BRCA1: variants seen among roughly 807,000 people sequenced by gnomAD.
BRCA1 encodes BRCA1 DNA repair associated.
BRCA1 carries 140 observed loss-of-function variants against 173.7 expected under a neutral mutation model. The observed-to-expected ratio is 0.81, with a 90% confidence interval of 0.70 to 0.93. BRCA1 has a LOEUF of 0.93. Among genes scored for constraint, BRCA1 ranks in the 40% least tolerant of loss-of-function variants. The pLI is 0.00. For synonymous variants in BRCA1, 662 were observed against 756.0 expected (o/e 0.88, Z 2.04); for missense variants, 1,983 against 2,172.5 (o/e 0.91, Z 1.73).
chr17:43,111,375 C>T (rs1359596841), intron 3 of BRCA1, among the ~76,000 whole-genome samples: 2 of 151,672 alleles, frequency 1.3e-5, no homozygotes, highest in East Asian at 3.9e-4. Flanking sequence ...CAAAAATTAG[C>T]CAGGTGTGGT....
chr17:43,130,335 G>A (rs2055955169), upstream of BRCA1, among the ~76,000 whole-genome samples: 1 of 151,990 alleles, frequency 6.6e-6, no homozygotes, highest in South Asian at 2.1e-4. Context: ...TTATTTTTGA[G>A]ACAGAGTCTC....
rs762190131 is a variant in BRCA1, at chr17:43,137,968, C to T, written c.-19-13853G>A. ...TTGGGAGGCTGGGGCGGGTGGATCA[C>T]CTGAGGTCAGGAGTTTGAGACCAGT... On this transcript the variant is annotated intron_variant, in intron 1 of 7. Coordinates refer to the BRCA1 transcript ENST00000634433. Among the ~76,000 whole-genome samples the T allele has an allele frequency of 4.0e-5, 6 of 151,330 alleles. 1 individual carries two copies. Among genetic ancestry groups the T allele is most frequent in the Admixed American group, 6.6e-5 (1 of 15,154 alleles).
intron 1 of BRCA1, among the ~76,000 whole-genome samples, chr17:43,137,444 A>G (rs1268550708): frequency 6.6e-6 from 1 of 151,940 alleles, no homozygotes; most frequent in East Asian, 1.9e-4. Flanking sequence ...AAAAAAAAAA[A>G]AAGAATAAAA....
intron 19 of BRCA1, among the ~76,000 whole-genome samples, chr17:43,051,988 C>T (rs937010608): frequency 6.6e-6 from 1 of 152,156 alleles, no homozygotes; most frequent in Non-Finnish European, 1.5e-5. Flanking sequence ...TCTCACTACT[C>T]TGAGAATGGC....
intron 6 of BRCA1, among the ~76,000 whole-genome samples, chr17:43,100,855 C>A (rs1215142126): frequency 6.7e-6 from 1 of 149,150 alleles, no homozygotes; most frequent in African/African-American, 2.5e-5. Flanking sequence ...CCTCAGCCTC[C>A]CGAGTAGCTG....
intron 1 of BRCA1, among the ~76,000 whole-genome samples, chr17:43,144,056 T>C (rs759109964): frequency 1.3e-5 from 2 of 152,122 alleles, no homozygotes; most frequent in Non-Finnish European, 2.9e-5. Flanking sequence ...CTGTCTCTAC[T>C]AAGAATACAA....
upstream of BRCA1, among the ~76,000 whole-genome samples, chr17:43,128,067 C>T (rs1162340117): frequency 6.6e-6 from 1 of 151,002 alleles, no homozygotes; most frequent in African/African-American, 2.4e-5. Flanking sequence ...CTGCCTGAGC[C>T]AGCAGCAGCA....
intron 1 of BRCA1, chr17:43,166,681 A>G (rs1490097925): frequency 2.0e-5 from 3 of 152,270 alleles, no homozygotes; most frequent in Admixed American, 1.3e-4. Context: ...GGGCGCACAC[A>G]CAGTTTTGCA....
In BRCA1 at chr17:43,094,704, G is replaced by C. The variant is rs80357436; in HGVS notation, c.827C>G (p.Thr276Arg). 1.4e-5 allele frequency: 22 copies of C among 1,612,390 alleles called. No individual in the cohort carries two copies. Among genetic ancestry groups the C allele is most frequent in the Non-Finnish European group, 1.8e-5 (21 of 1,178,946 alleles). The change falls in exon 10 of 23, where the codon ACA (threonine) becomes AGA (arginine). Residue 276 changes from threonine (T) to arginine (R), a missense_variant. Coordinates refer to ENST00000357654, the MANE Select transcript of BRCA1 (RefSeq NM_007294.4). ...CTGTAATGAGCTGGCATGAGTATTT[G>C]TGCCACATGGCTCCACATGCAAGTT... ...VSNLHVEPCGTNTHASSLQHE... is the reference protein window; with the variant it reads ...VSNLHVEPCGRNTHASSLQHE...
At chr17:43,102,727 A>ACTGTAGT (rs1245265125) in intron 6 of BRCA1, among the ~76,000 whole-genome samples, 1 of 150,828 alleles carries the variant, frequency 6.6e-6, no homozygotes, top group African/African-American at 2.4e-5. Context: ...ATCATAGCTC[A>ACTGTAGT]CTGTAGTCTA....
Position 43,051,068 on chromosome 17 carries a change from G to T in BRCA1, c.5327C>A (p.Pro1776His), listed in dbSNP as rs398122695. 6.2e-7 allele frequency: 1 copy of T among 1,613,942 alleles called. No homozygotes were observed. Among genetic ancestry groups the T allele is most frequent in the Non-Finnish European group, 8.5e-7 (1 of 1,179,862 alleles). ...GGGTTCTCCCAGGCTCTTACCTGTG[G>T]GCATGTTGGTGAAGGGCCCATAGCA... ...ICCYGPFTNM[P>H]TDQLEWMVQL... The change falls in exon 20 of 23, where the codon CCC becomes CAC. Residue 1776 changes from proline to histidine, a missense_variant. Transcript: ENST00000357654.
chr17:43,147,873 G>A (rs957078376), intron 1 of BRCA1, among the ~76,000 whole-genome samples: 10 of 152,108 alleles, frequency 6.6e-5, no homozygotes, highest in Admixed American at 6.6e-4. Flanking sequence ...GAAGGCCCCT[G>A]GCCTAGCCTG....
At chr17:43,110,051 C>T (rs529494644) in intron 3 of BRCA1, among the ~76,000 whole-genome samples, 21 of 152,120 alleles carry the variant, frequency 1.4e-4, no homozygotes, top group African/African-American at 4.6e-4. Flanking sequence ...CCCGCTACCA[C>T]GCCTGGCTAA....
In BRCA1 at chr17:43,169,963, T is replaced by C; in HGVS notation, c.-20+163A>G. 2 of 468,804 alleles carry C rather than the reference T, an allele frequency of 4.3e-6. 1 individual carries two copies. The highest frequency in any genetic ancestry group is 8.6e-6 in the Non-Finnish European group (2 of 231,608). 29.0% of individuals were successfully genotyped at this position (468,804 alleles called of 1,614,324 possible). On this transcript the variant is annotated intron_variant, in intron 1 of 7. Coordinates refer to the BRCA1 transcript ENST00000634433. ...AACAAGCCAGGCCAAAAAGTTTCAA[T>C]ATTTACACTGGCTGCTTTAATAAGG...
intron 10 of BRCA1, 26 bp from the exon 11 acceptor site, chr17:43,091,058 G>T: frequency 6.3e-7 from 1 of 1,597,206 alleles, no homozygotes; most frequent in Non-Finnish European, 8.6e-7. Flanking sequence ...CAGAGGTTCA[G>T]ATGTAAAAGC....
intron 2 of BRCA1, among the ~76,000 whole-genome samples, chr17:43,118,092 G>T (rs1355035178): frequency 6.6e-6 from 1 of 151,940 alleles, no homozygotes; most frequent in Non-Finnish European, 1.5e-5. Flanking sequence ...TACATGGGGG[G>T]AGTCAGGAAA....
chr17:43,082,674 G>T, intron 11 of BRCA1, 99 bp from the exon 12 acceptor site: 1 of 1,314,624 alleles, frequency 7.6e-7, no homozygotes, highest in Non-Finnish European at 1.1e-6. Flanking sequence ...CACAGGAATT[G>T]AAATCACCTA....
In BRCA1 at chr17:43,074,321, G is replaced by A. The variant is rs1057522769; in HGVS notation, c.4675+10C>T. The A allele has an allele frequency of 1.2e-6, 2 of 1,613,774 alleles. No homozygotes were observed. Among genetic ancestry groups the A allele is most frequent in the African/African-American group, 1.3e-5 (1 of 75,042 alleles). ...AAGTGTTTGTTCCAATACAGCAGAT[G>A]AAATATTACCTAGATCTTGCCTTGG... On this transcript the variant is annotated intron_variant, in intron 14 of 22. Coordinates refer to ENST00000357654, the MANE Select transcript of BRCA1 (RefSeq NM_007294.4).
intron 1 of BRCA1, among the ~76,000 whole-genome samples, chr17:43,154,268 G>A (rs1187802512): frequency 2.6e-5 from 4 of 152,056 alleles, no homozygotes; most frequent in Non-Finnish European, 4.4e-5. Context: ...GGCAGATCAC[G>A]AGGTCAGGAT....
Sources: allele counts gnomAD v4.1 joint callset (sites outside exome capture counted in the v4.1 genomes callset), GRCh38; gene constraint gnomAD v4.1.1; transcripts MANE v1.5; gene names NCBI Gene and HGNC (gene_info 2026-07-23, HGNC 2026-07-21).